The following LINGO2 variants were observed in gnomAD, a reference collection of about 807,000 sequenced individuals.
LINGO2 encodes leucine rich repeat and Ig domain containing 2, also known as leucine-rich repeat and immunoglobulin-like domain-containing nogo receptor-interacting protein 2.
In LINGO2, 14 loss-of-function variants were observed where a neutral mutation model predicts 30.6. The ratio of observed to expected loss-of-function variants is 0.46; its 90% CI spans 0.30 to 0.72. LINGO2 has a LOEUF of 0.72. Among genes scored for constraint, LINGO2 ranks in the 30% least tolerant of loss-of-function variants. The pLI is 0.07. For synonymous variants in LINGO2, 317 were observed against 288.5 expected, an observed-to-expected ratio of 1.10 and a Z score of -1.00; for missense variants, 729 against 751.7, an observed-to-expected ratio of 0.97 and a Z score of 0.35.
intron 5 of LINGO2, among the ~76,000 whole-genome samples, chr9:28,007,955 A>T (rs1822349233): frequency 6.6e-6 from 1 of 152,202 alleles, no homozygotes; most frequent in Non-Finnish European, 1.5e-5. Flanking sequence ...TCCTCTGCTC[A>T]TGACAACATT....
At chr9:28,235,102 C>T (rs1821512606) in intron 4 of LINGO2, among the ~76,000 whole-genome samples, 1 of 152,202 alleles carries the variant, frequency 6.6e-6, no homozygotes, top group African/African-American at 2.4e-5. Flanking sequence ...TCTGACCTGG[C>T]AGAGTCCCAG....
chr9:28,842,214 C>G, the LINGO2 span, among the ~76,000 whole-genome samples: 41 of 151,856 alleles, frequency 2.7e-4, no homozygotes, highest in Non-Finnish European at 2.9e-5. Context: ...GATAACAACA[C>G]CTGTGATAAT....
the LINGO2 span, among the ~76,000 whole-genome samples, chr9:28,744,106 A>AT: frequency 0.039 from 5,025 of 127,408 alleles, 135 homozygotes; most frequent in Admixed American, 0.051. Flanking sequence ...ATATATATAT[A>AT]TATTTTTTTT....
chr9:28,108,532 A>G (rs1190160450), intron 4 of LINGO2, among the ~76,000 whole-genome samples: 1 of 152,076 alleles, frequency 6.6e-6, no homozygotes, highest in Non-Finnish European at 1.5e-5. Flanking sequence ...CAAATCCAAG[A>G]AGGAGATAGG....
intron 4 of LINGO2, among the ~76,000 whole-genome samples, chr9:28,214,073 C>G (rs1484433279): frequency 6.6e-6 from 1 of 151,494 alleles, no homozygotes; most frequent in East Asian, 1.9e-4. Flanking sequence ...TTGAACAAAA[C>G]TTTGAAGTAT....
chr9:29,145,494 C>A, the LINGO2 span, among the ~76,000 whole-genome samples: 1 of 151,638 alleles, frequency 6.6e-6, no homozygotes, highest in South Asian at 2.1e-4. Context: ...AGAAAAAATT[C>A]ATACTACCAT....
the LINGO2 span, among the ~76,000 whole-genome samples, chr9:29,049,402 A>G: frequency 1.3e-5 from 2 of 152,160 alleles, no homozygotes; most frequent in African/African-American, 2.4e-5. Context: ...AAGTTCCTCA[A>G]AAAACTAAAA....
chr9:28,569,961 A>T (rs1823593309), intron 1 of LINGO2, among the ~76,000 whole-genome samples: 1 of 152,004 alleles, frequency 6.6e-6, no homozygotes, highest in South Asian at 2.1e-4. Context: ...TAAATACAAT[A>T]ATAAACATAA....
intron 4 of LINGO2, among the ~76,000 whole-genome samples, chr9:28,218,597 T>G (rs1587250597): frequency 6.6e-6 from 1 of 152,258 alleles, no homozygotes; most frequent in African/African-American, 2.4e-5. Context: ...TATAAATAGA[T>G]TTCTGCTCTG....
chr9:28,322,951 C>G (rs1227479462), intron 3 of LINGO2, among the ~76,000 whole-genome samples: 1 of 152,126 alleles, frequency 6.6e-6, no homozygotes, highest in African/African-American at 2.4e-5. Context: ...CTTTTAAAAA[C>G]TGACCTCCTT....
the LINGO2 span, among the ~76,000 whole-genome samples, chr9:28,678,491 G>A: frequency 2.0e-5 from 3 of 152,060 alleles, no homozygotes; most frequent in African/African-American, 4.8e-5. Context: ...GAGTGGTTTC[G>A]AGCGCAAGAT....
intron 4 of LINGO2, among the ~76,000 whole-genome samples, chr9:28,216,774 A>G (rs1306989573): frequency 2.0e-5 from 3 of 151,914 alleles, no homozygotes; most frequent in Non-Finnish European, 2.9e-5. Flanking sequence ...TCATTATTGA[A>G]GTCACTACAT....
At chr9:28,363,748 T>G (rs1225649028) in intron 3 of LINGO2, among the ~76,000 whole-genome samples, 1 of 152,194 alleles carries the variant, frequency 6.6e-6, no homozygotes, top group African/African-American at 2.4e-5. Flanking sequence ...ATTATCTTCA[T>G]GATCAATTCC....
intron 1 of LINGO2, among the ~76,000 whole-genome samples, chr9:28,525,873 G>T (rs1471078228): frequency 3.3e-5 from 5 of 151,964 alleles, no homozygotes; most frequent in Non-Finnish European, 1.5e-5. Flanking sequence ...GGCTAACGCG[G>T]TGAAACCCCG....
the LINGO2 span, among the ~76,000 whole-genome samples, chr9:28,769,293 T>A: frequency 1.3e-5 from 2 of 151,014 alleles, no homozygotes; most frequent in Non-Finnish European, 3.0e-5. Context: ...ATGTGTTCTC[T>A]AGATTTTAAA....
At chr9:28,796,888 T>C in the LINGO2 span, among the ~76,000 whole-genome samples, 4 of 151,842 alleles carry the variant, frequency 2.6e-5, no homozygotes, top group African/African-American at 7.2e-5. Flanking sequence ...AGATATATTT[T>C]AGTATTGGAT....
At chr9:28,268,030 A>G (rs1292505922) in intron 4 of LINGO2, among the ~76,000 whole-genome samples, 1 of 152,138 alleles carries the variant, frequency 6.6e-6, no homozygotes, top group Non-Finnish European at 1.5e-5. Context: ...ACAACATAGT[A>G]TCCACTATTT....
chr9:28,641,689 A>G lies in LINGO2; in HGVS notation c.-365+28511T>C, dbSNP rs563418251. On this transcript the variant is annotated intron_variant, in intron 1 of 5. Transcript: ENST00000379992. The stretch of plus-strand genomic sequence containing the variant: ...TTATTATCGGAAATTTAAATAAGAT[A>G]TACCAAGAGATAAAGATGCGGCAAG... 4.6e-5 allele frequency among the ~76,000 whole-genome samples: 7 copies of G among 152,336 alleles called. No homozygotes were observed. In the East Asian group the frequency reaches 1.2e-3, roughly 25 times the overall value.
chr9:28,907,395 G>A, the LINGO2 span, among the ~76,000 whole-genome samples: 1,387 of 151,914 alleles, frequency 9.1e-3, 29 homozygotes, highest in African/African-American at 0.032. Context: ...ATAGAAAAGG[G>A]TCTTTCAGTC....
Sources: gnomAD v4.1 joint callset for allele counts (sites outside exome capture counted in the v4.1 genomes callset) on GRCh38, gnomAD v4.1.1 for gene constraint, MANE v1.5 for transcripts, NCBI Gene and HGNC (gene_info 2026-07-23, HGNC 2026-07-21) for gene names.